Variants in SULT1A4 observed in about 807,000 individuals in gnomAD.
SULT1A4 encodes sulfotransferase family 1A member 4.
For synonymous variants in SULT1A4, 3 were observed against 19.4 expected, an observed-to-expected ratio of 0.15 and a Z score of 2.22; for missense variants, 4 against 40.6, an observed-to-expected ratio of 0.10 and a Z score of 2.45.
chr16:29,461,309 A>G, intron 1 of SULT1A4, 73 bp from the exon 2 acceptor site: 1 of 1,467,586 alleles, frequency 6.8e-7, no homozygotes, highest in South Asian at 1.4e-5. Context: ...AAAAAAAAAA[A>G]AAGAGAGAAT....
chr16:29,462,157 T>G (rs2142178709), intron 4 of SULT1A4, among the ~76,000 whole-genome samples: 1 of 124,084 alleles, frequency 8.1e-6, no homozygotes, highest in South Asian at 2.3e-4. Flanking sequence ...GGACTGTTTA[T>G]GCAAATAGGA....
chr16:29,462,256 A>C (rs1226040487), intron 4 of SULT1A4, among the ~76,000 whole-genome samples: 1 of 139,882 alleles, frequency 7.1e-6, no homozygotes, highest in Non-Finnish European at 1.5e-5. Context: ...GTTCCCACTG[A>C]CTGGCAAGGA....
chr16:29,461,879 C>T lies in SULT1A4; in HGVS notation c.301C>T (p.Pro101Ser), dbSNP rs1394862373. 163 of 275,028 alleles carry T rather than the reference C, an allele frequency of 5.9e-4. No homozygotes were observed. The highest frequency in any genetic ancestry group is 9.1e-4 in the Non-Finnish European group (148 of 162,026). 17.0% of individuals were successfully genotyped at this position (275,028 alleles called of 1,614,324 possible). ...GCTGGAGACTCTGAAAGACACACCG[C>T]CCCCACGGCTCATCAAGTCACACCT... ...SGLETLKDTPPPRLIKSHLPL... is the reference protein window; with the variant it reads ...SGLETLKDTPSPRLIKSHLPL... The change falls in exon 4 of 8, where the codon CCC (proline) becomes TCC (serine). Residue 101 changes from proline to serine, a missense_variant. By Grantham distance (74) the Pro-to-Ser change is moderately conservative. Transcript: ENST00000360423.
chr16:29,461,373 CT>C lies in SULT1A4; in HGVS notation c.-4-8del, dbSNP rs1461982063. 2.6e-6 allele frequency: 3 copies of C among 1,155,028 alleles called. No individual in the cohort carries two copies. Among genetic ancestry groups the C allele is most frequent in the Non-Finnish European group, 3.5e-6 (3 of 862,070 alleles). The allele number at this position is 1,155,028 out of a possible 1,614,324, so 71.5% of individuals were successfully genotyped here. ...AAGGGAACGGGCCTGGCTCTGGCCC[CT>C]GATGCAGGAACATGGAGCTGATCCA... On this transcript the variant is annotated splice_polypyrimidine_tract_variant and splice_region_variant and intron_variant, in intron 1 of 7. Transcript: ENST00000360423.
intron 4 of SULT1A4, chr16:29,462,735 T>C (rs1964887759): frequency 6.6e-5 from 3 of 45,188 alleles, no homozygotes; most frequent in South Asian, 3.2e-4. Context: ...CACCGCCTCC[T>C]GGGTTCAAGC....
intron 4 of SULT1A4, among the ~76,000 whole-genome samples, chr16:29,462,237 GA>G (rs144960417): frequency 9.5e-6 from 1 of 105,462 alleles, no homozygotes; most frequent in African/African-American, 5.6e-5. Context: ...CCATCTCTAC[GA>G]AAAAAAAGTT....
chr16:29,462,351 C>T (rs1436908241), intron 4 of SULT1A4, among the ~76,000 whole-genome samples: 4 of 148,932 alleles, frequency 2.7e-5, no homozygotes, highest in African/African-American at 7.6e-5. Flanking sequence ...AGGCTCATCA[C>T]ATCTTTTTTT....
intron 1 of SULT1A4, among the ~76,000 whole-genome samples, 187 bp from the exon 2 acceptor site, chr16:29,461,195 C>T (rs1379991905): frequency 0.011 from 487 of 43,688 alleles, 8 homozygotes; most frequent in Non-Finnish European, 0.026. Context: ...CTTGGGATGC[C>T]GAGGCGGGAG....
At chr16:29,462,354 C>A (rs1567289280) in intron 4 of SULT1A4, among the ~76,000 whole-genome samples, 1 of 148,722 alleles carries the variant, frequency 6.7e-6, no homozygotes, top group Non-Finnish European at 1.5e-5. Flanking sequence ...CTCATCACAT[C>A]TTTTTTTTTT....
At chr16:29,462,332 G>T (rs1323891494) in intron 4 of SULT1A4, among the ~76,000 whole-genome samples, 3 of 148,352 alleles carry the variant, frequency 2.0e-5, no homozygotes, top group Non-Finnish European at 1.5e-5. Flanking sequence ...GGGCCTCCTC[G>T]CTTCTGCCAG....
chr16:29,462,404 A>G (rs1285788092), intron 4 of SULT1A4, among the ~76,000 whole-genome samples: 1 of 145,148 alleles, frequency 6.9e-6, no homozygotes, highest in Non-Finnish European at 1.5e-5. Context: ...GCTGGAGTGC[A>G]GTGGCATGAT....
At chr16:29,462,141 C>T (rs1338604427) in intron 4 of SULT1A4, among the ~76,000 whole-genome samples, 191 bp downstream of exon 4, 21 of 120,376 alleles carry the variant, frequency 1.7e-4, no homozygotes, top group Non-Finnish European at 3.0e-4. Flanking sequence ...GGAGGCTCAG[C>T]GGGGAGGACT....
intron 1 of SULT1A4, 30 bp from the exon 2 acceptor site, chr16:29,461,352 G>C (rs1964861928): frequency 7.6e-7 from 1 of 1,323,810 alleles, no homozygotes; most frequent in African/African-American, 1.6e-5. Context: ...GGTGGTAAGG[G>C]AACGGGCCTG....
chr16:29,462,337 T>C (rs1442447192), intron 4 of SULT1A4, among the ~76,000 whole-genome samples: 1 of 148,606 alleles, frequency 6.7e-6, no homozygotes, highest in Non-Finnish European at 1.5e-5. Flanking sequence ...TCCTCGCTTC[T>C]GCCAGGCTCA....
intron 4 of SULT1A4, among the ~76,000 whole-genome samples, chr16:29,462,221 G>A (rs1287345794): frequency 1.5e-5 from 2 of 129,084 alleles, no homozygotes; most frequent in African/African-American, 3.9e-5. Flanking sequence ...GGGCAACACA[G>A]CAAAACCATC....
chr16:29,461,872 C>T lies in SULT1A4; in HGVS notation c.294C>T (p.Asp98=), dbSNP rs1567289142. The change falls in exon 4 of 8, where the codon GAC becomes GAT. Residue 98 remains aspartate (D), a synonymous_variant. Coordinates refer to ENST00000360423, the MANE Select transcript of SULT1A4 (RefSeq NM_001017390.3). ...ACTCAGGGCTGGAGACTCTGAAAGA[C>T]ACACCGCCCCCACGGCTCATCAAGT... ...GEPSGLETLK[D]TPPPRLIKSH... The T allele has an allele frequency of 3.7e-6, 1 of 268,474 alleles. No individual in the cohort carries two copies. Among genetic ancestry groups the T allele is most frequent in the East Asian group, 6.9e-5 (1 of 14,580 alleles). The allele number at this position is 268,474 out of a possible 1,614,324, so 16.6% of individuals were successfully genotyped here.
chr16:29,462,236 C>T lies in SULT1A4; in HGVS notation c.372+286C>T, dbSNP rs562453326. Among the ~76,000 whole-genome samples, 21 of 119,350 alleles carry T rather than the reference C, an allele frequency of 1.8e-4. 2 individuals carry two copies. In the East Asian group the frequency reaches 3.2e-3, roughly 18 times the overall value. The allele number at this position is 119,350 out of a possible 152,430, so 78.3% of individuals were successfully genotyped here. A position where few individuals can be genotyped will look rare whatever the true frequency, so the allele number is the denominator to read the frequency against. ...GGGCAACACAGCAAAACCATCTCTACGAAAAAAAAGTTCCCACTGACTGGC... is the reference window on the plus strand; with the variant it reads ...GGGCAACACAGCAAAACCATCTCTATGAAAAAAAAGTTCCCACTGACTGGC... On this transcript the variant is annotated intron_variant, in intron 4 of 7. Transcript: ENST00000360423.
At chr16:29,460,947 G>A (rs1453150098) in intron 1 of SULT1A4, among the ~76,000 whole-genome samples, 1 of 3,152 alleles carries the variant, frequency 3.2e-4, no homozygotes, top group African/African-American at 4.7e-4. Context: ...TTGTGAGTGC[G>A]GGCAAGTCAC....
At position 29,461,445 on chromosome 16, in the gene SULT1A4, C is replaced by G; in HGVS notation, c.60C>G (p.Leu20=). 1 of 954,900 alleles carries G rather than the reference C, an allele frequency of 1.0e-6. No homozygotes were observed. The highest frequency in any genetic ancestry group is 1.4e-6 in the Non-Finnish European group (1 of 724,804). 59.2% of individuals were successfully genotyped at this position (954,900 alleles called of 1,614,324 possible). ...PPLEYVKGVP[L]IKYFAEALGP... ...TGGAGTACGTGAAGGGGGTCCCGCT[C>G]ATCAAGTACTTTGCAGAGGCACTGG... Residue 20 remains leucine, a synonymous_variant, in exon 2 of 8, where the codon CTC becomes CTG. Coordinates refer to ENST00000360423, the MANE Select transcript of SULT1A4 (RefSeq NM_001017390.3).
Sources: allele counts gnomAD v4.1 joint callset (sites outside exome capture counted in the v4.1 genomes callset), GRCh38; gene constraint gnomAD v4.1.1; transcripts MANE v1.5; gene names NCBI Gene and HGNC (gene_info 2026-07-23, HGNC 2026-07-21).